MACF1: variants seen among roughly 807,000 people sequenced by gnomAD.
The protein encoded by MACF1 is microtubule-actin cross-linking factor 1.
Under a neutral mutation model 854.8 loss-of-function variants are expected in MACF1, and 193 were observed. The observed-to-expected ratio is 0.23, with a 90% CI of 0.20 to 0.25. The LOEUF (loss-of-function observed/expected upper bound fraction) is 0.25. Ranked by LOEUF, MACF1 falls within the 10% of genes least tolerant of loss-of-function variation. MACF1 has a pLI of 1.00. For missense variants in MACF1, 7,722 were observed against 8,929.1 expected (o/e 0.86, Z 5.45); for synonymous variants, 3,185 against 3,226.7 (o/e 0.99, Z 0.44).
chr1:39,268,586 A>C, intron 6 of MACF1: 1 of 1,183,022 alleles, frequency 8.5e-7, no homozygotes, highest in South Asian at 1.6e-5. Context: ...GATTGCCGGC[A>C]TAGTGCATGT....
chr1:39,166,411 A>C (rs1168465289), intron 2 of MACF1, among the ~76,000 whole-genome samples: 11 of 150,692 alleles, frequency 7.3e-5, no homozygotes, highest in Admixed American at 6.6e-4. Flanking sequence ...CCCTGCCAGC[A>C]CTAGATATTT....
At chr1:39,355,102 T>G (rs956783415) in intron 44 of MACF1, among the ~76,000 whole-genome samples, 1 of 152,248 alleles carries the variant, frequency 6.6e-6, no homozygotes, top group Non-Finnish European at 1.5e-5. Context: ...ATACTTGTGT[T>G]CAGTGGCCTT....
intron 2 of MACF1, among the ~76,000 whole-genome samples, chr1:39,115,746 A>C (rs1642528226): frequency 6.6e-6 from 1 of 152,126 alleles, no homozygotes; most frequent in South Asian, 2.1e-4. Flanking sequence ...ACTCTGGGGA[A>C]CTCCAACAGG....
chr1:39,125,845 T>G (rs1642846339), intron 2 of MACF1, among the ~76,000 whole-genome samples: 1 of 152,146 alleles, frequency 6.6e-6, no homozygotes, highest in African/African-American at 2.4e-5. Context: ...ATACAAAAAT[T>G]AGCTGGGCGT....
chr1:39,201,000 C>A (rs570158822), upstream of MACF1, among the ~76,000 whole-genome samples: 11 of 152,274 alleles, frequency 7.2e-5, no homozygotes, highest in African/African-American at 1.4e-4. Context: ...CCCTGCCCCC[C>A]CAAAAAACAG....
At chr1:39,263,966 G>T (rs961816163) in intron 6 of MACF1, among the ~76,000 whole-genome samples, 3 of 151,584 alleles carry the variant, frequency 2.0e-5, no homozygotes, top group Non-Finnish European at 2.9e-5. Context: ...GTAGAGATGG[G>T]GTTTCACCGT....
intron 18 of MACF1, 26 bp downstream of exon 18, chr1:39,293,645 G>A (rs2148402354): frequency 6.3e-7 from 1 of 1,594,996 alleles, no homozygotes; most frequent in Non-Finnish European, 8.6e-7. Context: ...TAGCAGGCCT[G>A]TCATACTTAT....
intron 56 of MACF1, 75 bp from the exon 57 acceptor site, chr1:39,385,359 T>C (rs1437624456): frequency 6.6e-7 from 1 of 1,516,906 alleles, no homozygotes; most frequent in African/African-American, 1.4e-5. Context: ...TGAGCCACTG[T>C]GCCTGGCCTG....
chr1:39,329,427 C>T (rs1375918065), intron 36 of MACF1, among the ~76,000 whole-genome samples: 2 of 152,154 alleles, frequency 1.3e-5, no homozygotes, highest in East Asian at 3.8e-4. Context: ...ATATTCATCC[C>T]ATATTTATTA....
rs547707288 is a variant in MACF1 at position 39,476,736 on chromosome 1, T to G, written c.21959-3062T>G. Among the ~76,000 whole-genome samples, 6 of 152,218 alleles carry G rather than the reference T, an allele frequency of 3.9e-5. No individual in the cohort carries two copies. The East Asian group carries it at 9.6e-4, about 24-fold the overall frequency. ...TCACATCCATATGATGAAATAATAC[T>G]TAGCAGCTAGTTAAAATTTTGCATG... is the stretch of plus-strand genomic sequence containing the variant. On this transcript the variant is annotated intron_variant, in intron 97 of 100. Transcript: ENST00000564288.
In MACF1 at chr1:39,368,962, C is replaced by G. The variant is rs1398335580; in HGVS notation, c.12938+648C>G. On this transcript the variant is annotated intron_variant, in intron 50 of 100. Coordinates refer to ENST00000564288, the MANE Select transcript of MACF1 (RefSeq NM_001394062.1). Reference sequence around the variant, plus strand: ...GAAGAGAAAAATTGGAAGAGACTTCCTAGACATAATTAAGGGTGATGTTGG... The same window carrying G: ...GAAGAGAAAAATTGGAAGAGACTTCGTAGACATAATTAAGGGTGATGTTGG... Among the ~76,000 whole-genome samples, 3 of 149,508 alleles carry G rather than the reference C, an allele frequency of 2.0e-5. No individual in the cohort carries two copies. In the South Asian group the frequency reaches 6.4e-4, roughly 32 times the overall value.
intron 37 of MACF1, among the ~76,000 whole-genome samples, chr1:39,336,961 A>T (rs556800465): frequency 6.6e-6 from 1 of 152,380 alleles, no homozygotes; most frequent in East Asian, 1.9e-4. Context: ...TGGTAAAATG[A>T]TGCTTGTAGA....
At chr1:39,364,349 T>A (rs1376994150) in intron 49 of MACF1, among the ~76,000 whole-genome samples, 2 of 150,578 alleles carry the variant, frequency 1.3e-5, no homozygotes, top group Non-Finnish European at 2.9e-5. Flanking sequence ...GGTAAAGATT[T>A]TTGGTTTTCT....
Position 39,155,884 on chromosome 1 carries a change from T to C in MACF1, c.220+71446T>C, listed in dbSNP as rs370658986. 3.4e-5 allele frequency among the ~76,000 whole-genome samples: 5 copies of C among 148,954 alleles called. No individual in the cohort carries two copies. The South Asian group carries it at 6.4e-4, about 19-fold the overall frequency. On this transcript the variant is annotated intron_variant, in intron 2 of 93. Transcript: ENST00000361689. ...ACAGGGGTCCACCACCGTGCTCGGCTAATTGTTTTGTTTTTTTTTTTGAGA... is the reference window on the plus strand; with the variant it reads ...ACAGGGGTCCACCACCGTGCTCGGCCAATTGTTTTGTTTTTTTTTTTGAGA...
At chr1:39,435,124 T>C (rs1643945261) in intron 69 of MACF1, among the ~76,000 whole-genome samples, 2 of 152,242 alleles carry the variant, frequency 1.3e-5, no homozygotes, top group Admixed American at 6.5e-5. Flanking sequence ...AGCAGTAAAG[T>C]CAAGGAGTGG....
At chr1:39,113,600 T>A (rs1201258314) in intron 2 of MACF1, among the ~76,000 whole-genome samples, 1 of 152,242 alleles carries the variant, frequency 6.6e-6, no homozygotes, top group Non-Finnish European at 1.5e-5. Context: ...TTCCTGATGG[T>A]TGACACATGG....
intron 20 of MACF1, 72 bp from the exon 21 acceptor site, chr1:39,297,548 G>C: frequency 6.3e-7 from 1 of 1,583,548 alleles, no homozygotes. Flanking sequence ...CAGTAAAATT[G>C]TTCTTTCTTA....
At chr1:39,371,180 G>A (rs560725758) in intron 51 of MACF1, among the ~76,000 whole-genome samples, 4 of 152,080 alleles carry the variant, frequency 2.6e-5, no homozygotes, top group East Asian at 3.9e-4. Flanking sequence ...TTAGCTGGAC[G>A]TGGTGGCAGG....
chr1:39,324,137 G>C, intron 33 of MACF1, 56 bp from the exon 34 acceptor site: 1 of 1,509,300 alleles, frequency 6.6e-7, no homozygotes, highest in South Asian at 1.3e-5. Context: ...ATCTGAAGTC[G>C]TGCCAGCCTA....
Sources: gnomAD v4.1 joint callset for allele counts (sites outside exome capture counted in the v4.1 genomes callset) on GRCh38, gnomAD v4.1.1 for gene constraint, MANE v1.5 for transcripts, NCBI Gene and HGNC (gene_info 2026-07-23, HGNC 2026-07-21) for gene names.